The following TBC1D8B variants were observed in gnomAD, a reference collection of about 807,000 sequenced individuals.
TBC1D8B encodes TBC1 domain family member 8B.
Under a neutral mutation model 82.9 loss-of-function variants are expected in TBC1D8B, and 75 were observed. The observed-to-expected ratio is 0.90, with a 90% CI of 0.75 to 1.10. The LOEUF (loss-of-function observed/expected upper bound fraction) is 1.10. Among genes scored for constraint, TBC1D8B ranks in the 50% least tolerant of loss-of-function variants. The pLI is 0.00. For synonymous variants in TBC1D8B, 276 were observed against 276.8 expected (o/e 1.00, Z 0.03); for missense variants, 794 against 796.9 (o/e 1.00, Z 0.04).
chrX:106,835,035 T>C (rs961839520), intron 7 of TBC1D8B, among the ~76,000 whole-genome samples: 12 of 112,122 alleles, frequency 1.1e-4, no homozygotes, highest in African/African-American at 3.2e-4. Context: ...AATGCTCCAA[T>C]GGGGACTCTA....
At position 106,869,478 on chromosome X, in the gene TBC1D8B, C is replaced by T. The variant is rs1260483935; in HGVS notation, c.2813-7C>T. The T allele has an allele frequency of 8.3e-7, 1 of 1,204,716 alleles. No individual in the cohort carries two copies. The highest frequency in any genetic ancestry group is 3.0e-5 in the East Asian group (1 of 33,639). On this transcript the variant is annotated splice_region_variant and splice_polypyrimidine_tract_variant and intron_variant, in intron 18 of 20. Coordinates refer to ENST00000357242, the MANE Select transcript of TBC1D8B (RefSeq NM_017752.3). ...CTTACAGAATGCAATTACATCTTTT[C>T]TTATAGTTTCCAAGCCTGCAAATGA...
chrX:106,844,355 C>T (rs1360765128), intron 10 of TBC1D8B, among the ~76,000 whole-genome samples: 1 of 108,775 alleles, frequency 9.2e-6, no homozygotes, highest in African/African-American at 3.3e-5. Flanking sequence ...TGTAGATCAT[C>T]TTTATCAGGT....
chrX:106,818,513 A>G, intron 1 of TBC1D8B, 150 bp from the exon 2 acceptor site: 1 of 353,200 alleles, frequency 2.8e-6, no homozygotes, highest in South Asian at 9.3e-5. Flanking sequence ...CTTTATCCCA[A>G]ATGTATTTTT....
At position 106,871,051 on chromosome X, in the gene TBC1D8B, GA is replaced by G. The variant is rs780991427; in HGVS notation, c.2967+245del. 1.1e-3 allele frequency among the ~76,000 whole-genome samples: 123 copies of G among 111,002 alleles called. 4 individuals are homozygous for G. In the East Asian group the frequency reaches 0.025, roughly 22 times the overall value. On this transcript the variant is annotated intron_variant, in intron 20 of 20. Coordinates refer to ENST00000357242, the MANE Select transcript of TBC1D8B (RefSeq NM_017752.3). ...TCTTCTGCTGTGACATGTACCTATAGAAAAAAAGTATGTGTAGTATATTTCC... is the reference window on the plus strand; with the variant it reads ...TCTTCTGCTGTGACATGTACCTATAGAAAAAAGTATGTGTAGTATATTTCC...
intron 1 of TBC1D8B, among the ~76,000 whole-genome samples, chrX:106,817,436 G>A (rs774427186): frequency 9.0e-6 from 1 of 111,576 alleles, no homozygotes; most frequent in Non-Finnish European, 1.9e-5. Context: ...TTGCTGACAT[G>A]ATGCCGCAAA....
At chrX:106,813,514 G>T (rs979502303) in intron 1 of TBC1D8B, among the ~76,000 whole-genome samples, 6 of 111,707 alleles carry the variant, frequency 5.4e-5, no homozygotes, top group African/African-American at 2.0e-4. Context: ...GACCTTTCTT[G>T]CCAGTGATTT....
chrX:106,835,039 G>A (rs1390382060), intron 7 of TBC1D8B, among the ~76,000 whole-genome samples: 1 of 112,044 alleles, frequency 8.9e-6, no homozygotes, highest in Non-Finnish European at 1.9e-5. Context: ...CTCCAATGGG[G>A]ACTCTATGTG....
chrX:106,823,270 A>G lies in TBC1D8B; in HGVS notation c.631A>G (p.Thr211Ala), dbSNP rs756083514. The G allele has an allele frequency of 8.3e-7, 1 of 1,207,201 alleles. No individual in the cohort carries two copies. The highest frequency in any genetic ancestry group is 3.0e-5 in the East Asian group (1 of 33,638). ...GGATGAAGTCTCAAAACTTGAAAAG[A>G]CTTCAAATGTCATACTGACAGAGAG... ...SWDEVSKLEK[T>A]SNVILTESIH... is the part of the protein sequence containing the mutation. Residue 211 changes from threonine (T) to alanine (A), a missense_variant, in exon 5 of 21, where the codon ACT becomes GCT. Transcript: ENST00000357242.
At chrX:106,821,453 G>GA (rs1931689374) in intron 3 of TBC1D8B, among the ~76,000 whole-genome samples, 1 of 110,180 alleles carries the variant, frequency 9.1e-6, no homozygotes, top group Non-Finnish European at 1.9e-5. Context: ...GAGGCATTCA[G>GA]AAAAAAACCT....
In TBC1D8B at chrX:106,832,702, T is replaced by C. The variant is rs548490199; in HGVS notation, c.1203+5365T>C. The stretch of plus-strand genomic sequence containing the variant: ...ATATGTAAACATAACTTGTTTCATA[T>C]AGTTAGTAAGATAGTTACTAACTGT... On this transcript the variant is annotated intron_variant, in intron 7 of 20. Coordinates refer to ENST00000357242, the MANE Select transcript of TBC1D8B (RefSeq NM_017752.3). Among the ~76,000 whole-genome samples the C allele has an allele frequency of 1.5e-3, 164 of 111,855 alleles. 1 individual carries two copies. Among genetic ancestry groups the C allele is most frequent in the African/African-American group, 5.0e-3 (155 of 30,937 alleles).
At chrX:106,872,461 A>G (rs200552532) in intron 20 of TBC1D8B, among the ~76,000 whole-genome samples, 1 of 8,010 alleles carries the variant, frequency 1.2e-4, no homozygotes, top group Non-Finnish European at 4.4e-4. Context: ...ATATTTATAT[A>G]TATATATATA....
intron 7 of TBC1D8B, chrX:106,829,115 G>A (rs1230552693): frequency 2.8e-5 from 3 of 105,721 alleles, no homozygotes; most frequent in African/African-American, 1.1e-4. Flanking sequence ...CAAAATCAAT[G>A]TACAAAAATC....
intron 12 of TBC1D8B, among the ~76,000 whole-genome samples, chrX:106,850,868 C>T (rs766318697): frequency 1.8e-5 from 2 of 111,924 alleles, no homozygotes; most frequent in South Asian, 7.4e-4. Context: ...GAATAAAATA[C>T]AAACATCTTA....
intron 19 of TBC1D8B, among the ~76,000 whole-genome samples, chrX:106,870,169 T>C (rs973864218): frequency 9.0e-6 from 1 of 111,098 alleles, no homozygotes; most frequent in Non-Finnish European, 1.9e-5. Context: ...TAGCTGGGAC[T>C]ACAGGCGCCC....
intron 16 of TBC1D8B, 148 bp downstream of exon 16, chrX:106,866,181 T>C (rs777723374): frequency 9.5e-5 from 55 of 581,884 alleles, no homozygotes; most frequent in Middle Eastern, 5.7e-4. Context: ...CATTTGTTGC[T>C]AAATCTAAGT....
At chrX:106,862,453 G>T (rs1267938911) in intron 14 of TBC1D8B, among the ~76,000 whole-genome samples, 1 of 111,652 alleles carries the variant, frequency 9.0e-6, no homozygotes, top group Non-Finnish European at 1.9e-5. Context: ...AGATCAGTTT[G>T]ATTCTTTCTT....
Position 106,853,630 on chromosome X carries a change from T to G in TBC1D8B, c.2233T>G (p.Leu745Val), listed in dbSNP as rs1325642301. 8.3e-7 allele frequency: 1 copy of G among 1,207,957 alleles called. No individual in the cohort carries two copies. Among genetic ancestry groups the G allele is most frequent in the Admixed American group, 2.2e-5 (1 of 45,773 alleles). The change falls in exon 13 of 21, where the codon TTG becomes GTG. Residue 745 changes from leucine to valine, a missense_variant. Transcript: ENST00000357242. ...TCATACTAGAGTGGATATTACAGAT[T>G]TGATTAGAGAATCAAATGAGGTAAG... ...TSHTRVDITDLIRESNEKYGN... is the reference protein window; with the variant it reads ...TSHTRVDITDVIRESNEKYGN...
rs1931713053 is a variant in TBC1D8B at position 106,822,148 on chromosome X, C to T, written c.532C>T (p.Leu178Phe). Residue 178 changes from leucine to phenylalanine, a missense_variant, in exon 4 of 21, where the codon CTT becomes TTT. By Grantham distance (22) the Leu-to-Phe change is conservative. Coordinates refer to ENST00000357242, the MANE Select transcript of TBC1D8B (RefSeq NM_017752.3). ...WKGRVPCQGW[L>F]YLSTNFLSFY... Reference sequence around the variant, plus strand: ...AGGACGGGTTCCTTGTCAGGGTTGGCTTTATCTTAGCACCAACTTTCTGAG... The same window carrying T: ...AGGACGGGTTCCTTGTCAGGGTTGGTTTTATCTTAGCACCAACTTTCTGAG... 8.3e-7 allele frequency: 1 copy of T among 1,207,439 alleles called. No homozygotes were observed. Among genetic ancestry groups the T allele is most frequent in the African/African-American group, 1.8e-5 (1 of 56,963 alleles).
intron 1 of TBC1D8B, among the ~76,000 whole-genome samples, chrX:106,811,195 C>A (rs1265036421): frequency 9.0e-6 from 1 of 110,823 alleles, no homozygotes; most frequent in Non-Finnish European, 1.9e-5. Context: ...CCTTTTTCCC[C>A]CTCCCTTACT....
Sources: allele counts gnomAD v4.1 joint callset (sites outside exome capture counted in the v4.1 genomes callset), GRCh38; gene constraint gnomAD v4.1.1; transcripts MANE v1.5; gene names NCBI Gene and HGNC (gene_info 2026-07-23, HGNC 2026-07-21).